Variants in GRAP2 observed in about 807,000 individuals in gnomAD.
GRAP2 encodes the protein GRB2 related adaptor protein 2, also known as GRB2-related adapter protein 2.
A neutral mutation model predicts 43.5 loss-of-function variants in GRAP2; 31 were observed. The observed-to-expected ratio is 0.71, with a 90% CI of 0.54 to 0.96. The LOEUF (loss-of-function observed/expected upper bound fraction) is 0.96. GRAP2 is among the 40% of genes least tolerant of loss of function. GRAP2 has a pLI of 0.00. For missense variants in GRAP2, 371 were observed against 424.4 expected, an observed-to-expected ratio of 0.87 and a Z score of 1.11; for synonymous variants, 156 against 164.8, an observed-to-expected ratio of 0.95 and a Z score of 0.41.
At chr22:39,951,089 T>C (rs2066977595) in intron 2 of GRAP2, among the ~76,000 whole-genome samples, 1 of 152,240 alleles carries the variant, frequency 6.6e-6, no homozygotes, top group African/African-American at 2.4e-5. Flanking sequence ...CCATATTTCA[T>C]GCACCTAAGT....
intron 1 of GRAP2, among the ~76,000 whole-genome samples, chr22:39,931,274 T>G (rs1377615431): frequency 6.6e-6 from 1 of 152,168 alleles, no homozygotes; most frequent in Non-Finnish European, 1.5e-5. Flanking sequence ...AAATCACCAA[T>G]TCCTGGAAGT....
At chr22:39,963,021 G>C (rs2067135565) in intron 4 of GRAP2, among the ~76,000 whole-genome samples, 1 of 152,136 alleles carries the variant, frequency 6.6e-6, no homozygotes, top group African/African-American at 2.4e-5. Context: ...CAAAACAGTA[G>C]GCCTTGACTT....
intron 1 of GRAP2, among the ~76,000 whole-genome samples, chr22:39,915,821 T>C (rs980960458): frequency 1.3e-5 from 2 of 152,138 alleles, no homozygotes; most frequent in South Asian, 4.1e-4. Context: ...TATGTAAAAA[T>C]TCAAGGCTCA....
intron 1 of GRAP2, among the ~76,000 whole-genome samples, chr22:39,935,537 A>C (rs988347585): frequency 6.6e-6 from 1 of 152,246 alleles, no homozygotes; most frequent in Non-Finnish European, 1.5e-5. Context: ...ATTATAATTC[A>C]TTTGATGAAA....
intron 1 of GRAP2, among the ~76,000 whole-genome samples, chr22:39,935,412 T>G (rs1601710764): frequency 6.6e-6 from 1 of 152,316 alleles, no homozygotes; most frequent in African/African-American, 2.4e-5. Context: ...ATAGGGGCAC[T>G]ATTTAATCAA....
intron 2 of GRAP2, among the ~76,000 whole-genome samples, chr22:39,955,611 C>A (rs756857495): frequency 2.6e-5 from 4 of 152,162 alleles, no homozygotes; most frequent in Admixed American, 2.0e-4. Context: ...CAGAAATAAC[C>A]TGGGGTCAGG....
intron 1 of GRAP2, among the ~76,000 whole-genome samples, chr22:39,922,611 CACTCTGGA>C (rs2066662329): frequency 6.6e-6 from 1 of 152,060 alleles, no homozygotes; most frequent in African/African-American, 2.4e-5. Flanking sequence ...TTGCACAAAT[CACTCTGGA>C]AGCAATGAGG....
chr22:39,910,808 C>G (rs1411006783), intron 1 of GRAP2, among the ~76,000 whole-genome samples: 1 of 151,894 alleles, frequency 6.6e-6, no homozygotes, highest in Non-Finnish European at 1.5e-5. Context: ...TTCACTCGAT[C>G]ATTTTGATAA....
intron 1 of GRAP2, among the ~76,000 whole-genome samples, chr22:39,916,466 T>C (rs1196713661): frequency 6.6e-6 from 1 of 152,238 alleles, no homozygotes; most frequent in African/African-American, 2.4e-5. Context: ...GATGAGTTGG[T>C]TATTATTATT....
At chr22:39,970,036 G>A (rs1334295624) in intron 7 of GRAP2, among the ~76,000 whole-genome samples, 3 of 152,198 alleles carry the variant, frequency 2.0e-5, no homozygotes, top group Admixed American at 1.3e-4. Flanking sequence ...CTGGTGCCAG[G>A]CCTTCCCTGT....
upstream of GRAP2, among the ~76,000 whole-genome samples, chr22:39,897,380 C>T (rs1471365014): frequency 6.6e-6 from 1 of 152,128 alleles, no homozygotes; most frequent in African/African-American, 2.4e-5. Context: ...CATTCTAATA[C>T]AAGATACAAT....
chr22:39,934,559 G>A (rs760074070), intron 1 of GRAP2, among the ~76,000 whole-genome samples: 1 of 152,300 alleles, frequency 6.6e-6, no homozygotes, highest in Non-Finnish European at 1.5e-5. Flanking sequence ...TTGGCCAAAG[G>A]GGGAGAACAA....
At chr22:39,907,103 C>T (rs977411746) in intron 1 of GRAP2, among the ~76,000 whole-genome samples, 3 of 152,104 alleles carry the variant, frequency 2.0e-5, no homozygotes, top group African/African-American at 7.2e-5. Flanking sequence ...GAATCTCAAC[C>T]AAACATTGAG....
At chr22:39,967,986 G>A in intron 5 of GRAP2, 56 bp from the exon 6 acceptor site, 1 of 1,574,474 alleles carries the variant, frequency 6.4e-7, no homozygotes, top group South Asian at 1.2e-5. Flanking sequence ...GGGTAGGGTA[G>A]GGCCAGACGA....
At chr22:39,909,460 A>G (rs1382198333) in intron 1 of GRAP2, among the ~76,000 whole-genome samples, 5 of 152,236 alleles carry the variant, frequency 3.3e-5, no homozygotes, top group African/African-American at 1.2e-4. Context: ...AGGGTCAATT[A>G]GGTGTTATTA....
At chr22:39,911,649 A>G (rs2066567690) in intron 1 of GRAP2, among the ~76,000 whole-genome samples, 1 of 152,092 alleles carries the variant, frequency 6.6e-6, no homozygotes, top group South Asian at 2.1e-4. Flanking sequence ...AGACAGGTGC[A>G]GGGAACATCC....
rs1186119713 is a variant in GRAP2, at chr22:39,955,857, T to G, written c.117T>G (p.Leu39=). The change falls in exon 3 of 8, where the codon CTT becomes CTG. Residue 39 remains leucine, a synonymous_variant. Transcript: ENST00000344138. ...AAGAGGAGTGGTTTAAGGCGGAGCT[T>G]GGGAGCCAGGAAGGATATGTGCCCA... ...SNQEEWFKAE[L]GSQEGYVPKN... is the part of the protein sequence containing the mutation. 6.3e-7 allele frequency: 1 copy of G among 1,593,626 alleles called. No homozygotes were observed. Among genetic ancestry groups the G allele is most frequent in the Non-Finnish European group, 8.6e-7 (1 of 1,161,326 alleles).
intron 7 of GRAP2, among the ~76,000 whole-genome samples, chr22:39,969,936 C>T (rs2067220823): frequency 1.3e-5 from 2 of 152,042 alleles, no homozygotes; most frequent in African/African-American, 4.8e-5. Flanking sequence ...CAAAACAAAA[C>T]AAAAATGCAC....
intron 1 of GRAP2, among the ~76,000 whole-genome samples, chr22:39,928,759 G>A (rs891394672): frequency 2.6e-4 from 40 of 152,294 alleles, no homozygotes; most frequent in Admixed American, 7.8e-4. Context: ...AGTAGTGCAG[G>A]CTTGGGCACG....
Sources: allele counts gnomAD v4.1 joint callset (sites outside exome capture counted in the v4.1 genomes callset), GRCh38; gene constraint gnomAD v4.1.1; transcripts MANE v1.5; gene names NCBI Gene and HGNC (gene_info 2026-07-23, HGNC 2026-07-21).